Variants in ARHGEF18 observed in about 807,000 individuals in gnomAD.
The protein encoded by ARHGEF18 is rho guanine nucleotide exchange factor 18.
A neutral mutation model predicts 155.7 loss-of-function variants in ARHGEF18; 93 were observed. The observed-to-expected ratio is 0.60, with a 90% CI of 0.50 to 0.71. The LOEUF (loss-of-function observed/expected upper bound fraction) is 0.71, where lower values mean the gene tolerates loss of function less well. Among genes scored for constraint, ARHGEF18 ranks in the 30% least tolerant of loss-of-function variants. The pLI, the probability that ARHGEF18 is intolerant of heterozygous loss-of-function variation, is 0.00. For missense variants in ARHGEF18, 1,593 were observed against 1,816.1 expected (o/e 0.88, Z 2.23); for synonymous variants, 742 against 753.1 (o/e 0.99, Z 0.24).
At position 7,440,035 on chromosome 19, in the gene ARHGEF18, C is replaced by T. The variant is rs1050819155; in HGVS notation, c.968-309C>T. 5.2e-6 allele frequency: 8 copies of T among 1,550,602 alleles called. No homozygotes were observed. The African/African-American group carries it at 1.1e-4, about 21-fold the overall frequency. On this transcript the variant is annotated intron_variant, in intron 10 of 28. Transcript: ENST00000668164. The surrounding 1 kb of genome is among the most constrained non-coding windows in gnomAD (Gnocchi z 5.4). The stretch of plus-strand genomic sequence containing the variant: ...GCAGCTCTGTTTTCTAGAAGGATCC[C>T]ACCGAGGCATAAAAACGGCGCAGCC...
At chr19:7,386,645 C>G (rs1284515741) in intron 10 of ARHGEF18, among the ~76,000 whole-genome samples, 1 of 152,046 alleles carries the variant, frequency 6.6e-6, no homozygotes, top group African/African-American at 2.4e-5. Context: ...CCCCGGGCAG[C>G]AGAAAGGCCA....
the ARHGEF18 span, among the ~76,000 whole-genome samples, chr19:7,478,877 G>A: frequency 1.1e-4 from 16 of 152,206 alleles, no homozygotes; most frequent in African/African-American, 3.9e-4. Flanking sequence ...ATGATCCCCT[G>A]GGCCCCCAGG....
downstream of ARHGEF18, chr19:7,477,220 G>A (rs376573452): frequency 3.1e-4 from 477 of 1,519,108 alleles, 3 homozygotes; most frequent in African/African-American, 5.3e-3. Flanking sequence ...TAGTGGCCTC[G>A]GCCTGGCCGC....
At chr19:7,454,023 G>A (rs1211675702) in intron 17 of ARHGEF18, among the ~76,000 whole-genome samples, 2 of 150,052 alleles carry the variant, frequency 1.3e-5, no homozygotes, top group African/African-American at 2.5e-5. Flanking sequence ...GGAGTTGTGG[G>A]TGCCCTCTTA....
the ARHGEF18 span, among the ~76,000 whole-genome samples, chr19:7,477,642 G>A: frequency 7.4e-4 from 112 of 152,008 alleles, no homozygotes; most frequent in Admixed American, 7.1e-3. Context: ...GCAGGAACCC[G>A]GGTCCAAGTC....
chr19:7,354,665 C>T (rs936392635), intron 1 of ARHGEF18, among the ~76,000 whole-genome samples: 3 of 144,266 alleles, frequency 2.1e-5, no homozygotes, highest in Admixed American at 2.1e-4. Context: ...TTTGCGAGGC[C>T]GCGGCAGGAG....
At position 7,462,878 on chromosome 19, in the gene ARHGEF18, C is replaced by T. The variant is rs1454627320; in HGVS notation, c.2635+544C>T. Among the ~76,000 whole-genome samples, 29 of 150,196 alleles carry T rather than the reference C, an allele frequency of 1.9e-4. 1 individual carries two copies. Among genetic ancestry groups the T allele is most frequent in the African/African-American group, 6.9e-4 (28 of 40,674 alleles). On this transcript the variant is annotated intron_variant, in intron 21 of 28. Transcript: ENST00000668164. This position sits in a 1 kb window ranked among gnomAD's most constrained non-coding sequence, Gnocchi z 4.4. ...TTGAGATGGAGTCTCGCTTTGTCAC[C>T]CAGGCTGGAGTGCAGTGGCGTGATC... is the stretch of plus-strand genomic sequence containing the variant.
At chr19:7,388,669 C>T (rs1219527881) in intron 10 of ARHGEF18, among the ~76,000 whole-genome samples, 2 of 151,884 alleles carry the variant, frequency 1.3e-5, no homozygotes, top group African/African-American at 4.8e-5. Context: ...CAACCTCCGC[C>T]TCCCAGGTTC....
At chr19:7,477,219 C>T (rs1051693459), downstream of ARHGEF18, 4 of 1,516,950 alleles carry the variant, frequency 2.6e-6, no homozygotes, top group East Asian at 4.8e-5. Flanking sequence ...GTAGTGGCCT[C>T]GGCCTGGCCG....
At chr19:7,416,052 G>A (rs1385426759) in intron 10 of ARHGEF18, among the ~76,000 whole-genome samples, 1 of 152,210 alleles carries the variant, frequency 6.6e-6, no homozygotes, top group East Asian at 1.9e-4. Context: ...AAGGTCTATG[G>A]AGTACCACGG....
intron 6 of ARHGEF18, among the ~76,000 whole-genome samples, 199 bp from the exon 7 acceptor site, chr19:7,378,923 C>T (rs981653541): frequency 7.2e-5 from 11 of 151,990 alleles, no homozygotes; most frequent in Non-Finnish European, 1.6e-4. Context: ...GAACCCCTGA[C>T]CTCAGGTGAT....
At chr19:7,352,090 A>G (rs1025884599) in intron 1 of ARHGEF18, among the ~76,000 whole-genome samples, 1 of 152,178 alleles carries the variant, frequency 6.6e-6, no homozygotes, top group Middle Eastern at 3.4e-3. Flanking sequence ...TCTGTCTTCT[A>G]GTATGCCTGG....
At chr19:7,431,952 C>A (rs1973995280) in intron 10 of ARHGEF18, among the ~76,000 whole-genome samples, 1 of 152,082 alleles carries the variant, frequency 6.6e-6, no homozygotes, top group Non-Finnish European at 1.5e-5. Context: ...GGGTAGGAGG[C>A]TTTTCGTTTT....
chr19:7,438,093 T>C (rs1316659208), intron 10 of ARHGEF18, among the ~76,000 whole-genome samples: 10 of 107,502 alleles, frequency 9.3e-5, no homozygotes, highest in African/African-American at 1.5e-4. Flanking sequence ...CCTTCCCCTC[T>C]CCTCCCTTCT....
At chr19:7,397,297 A>C (rs117677331) in intron 10 of ARHGEF18, among the ~76,000 whole-genome samples, 4,378 of 151,884 alleles carry the variant, frequency 0.029, 107 homozygotes, top group South Asian at 0.079. Context: ...ACAGGGTCTC[A>C]CTCTGTTGCC....
intron 10 of ARHGEF18, among the ~76,000 whole-genome samples, chr19:7,393,921 GATCTGATGGT>G (rs1971537857): frequency 6.6e-6 from 1 of 150,806 alleles, no homozygotes; most frequent in Non-Finnish European, 1.5e-5. Context: ...GTGTTTAGGG[GATCTGATGGT>G]ATCTATGTTG....
downstream of ARHGEF18, among the ~76,000 whole-genome samples, chr19:7,474,250 A>T (rs1977162292): frequency 6.6e-6 from 1 of 151,940 alleles, no homozygotes; most frequent in Non-Finnish European, 1.5e-5. Context: ...GAGGCAAGAG[A>T]AGCGGTTGAA....
chr19:7,388,142 T>C (rs755753332), intron 10 of ARHGEF18, among the ~76,000 whole-genome samples: 21 of 152,110 alleles, frequency 1.4e-4, no homozygotes, highest in Non-Finnish European at 2.6e-4. Flanking sequence ...GCGTCTAATT[T>C]CCTGAATGTC....
intron 15 of ARHGEF18, among the ~76,000 whole-genome samples, chr19:7,450,345 T>C (rs1411344759): frequency 1.3e-5 from 2 of 152,128 alleles, no homozygotes; most frequent in East Asian, 1.9e-4. Flanking sequence ...ATTTCCAAGA[T>C]GTTAATGCGG....
Sources: allele counts gnomAD v4.1 joint callset (sites outside exome capture counted in the v4.1 genomes callset), GRCh38; gene constraint gnomAD v4.1.1; non-coding constraint Gnocchi (gnomAD v3.1); transcripts MANE v1.5; gene names NCBI Gene and HGNC (gene_info 2026-07-23, HGNC 2026-07-21).